Variants in PDE1C observed in about 807,000 individuals in gnomAD.
The protein encoded by PDE1C is phosphodiesterase 1C, also known as dual specificity calcium/calmodulin-dependent 3',5'-cyclic nucleotide phosphodiesterase 1C.
A neutral mutation model predicts 93.1 loss-of-function variants in PDE1C; 62 were observed. The ratio of observed to expected loss-of-function variants is 0.67; its 90% CI spans 0.54 to 0.82. The LOEUF is 0.82. Among genes scored for constraint, PDE1C ranks in the 40% least tolerant of loss-of-function variants. The pLI, the probability that PDE1C is intolerant of heterozygous loss-of-function variation, is 0.00. For synonymous variants in PDE1C, 325 were observed against 310.1 expected (o/e 1.05, Z -0.50); for missense variants, 742 against 884.6 (o/e 0.84, Z 2.04).
At chr7:32,207,231 C>T (rs1289356399) in intron 2 of PDE1C, among the ~76,000 whole-genome samples, 51 of 152,048 alleles carry the variant, frequency 3.4e-4, no homozygotes, top group Non-Finnish European at 5.9e-5. Context: ...ACAGCACAGG[C>T]TCTGGCCACC....
In PDE1C at chr7:32,204,480, G is replaced by A. The variant is rs200803324; in HGVS notation, c.136+5009C>T. Among the ~76,000 whole-genome samples the A allele has an allele frequency of 8.5e-5, 13 of 152,218 alleles. No individual in the cohort carries two copies. The East Asian group carries it at 2.5e-3, about 29-fold the overall frequency. ...TCTGTGGGCACTGTCTCCCTCGCTC[G>A]GGCTCCTCCAATGCCCTGGACTCCT... On this transcript the variant is annotated intron_variant, in intron 2 of 18. Coordinates refer to the PDE1C transcript ENST00000396193.
At chr7:32,241,845 T>C (rs985648731) in intron 1 of PDE1C, among the ~76,000 whole-genome samples, 4 of 151,870 alleles carry the variant, frequency 2.6e-5, no homozygotes, top group African/African-American at 9.7e-5. Context: ...AGGAGATGGG[T>C]AGACACAGCA....
intron 7 of PDE1C, among the ~76,000 whole-genome samples, chr7:31,862,339 CTT>C: frequency 6.6e-6 from 1 of 152,198 alleles, no homozygotes; most frequent in Middle Eastern, 3.2e-3. Context: ...TGTCCATTAT[CTT>C]AGTCCATTTG....
chr7:31,864,860 C>G, intron 7 of PDE1C, 82 bp downstream of exon 7: 1 of 1,356,078 alleles, frequency 7.4e-7, no homozygotes, highest in Non-Finnish European at 1.0e-6. Flanking sequence ...GTGGCCTCCA[C>G]CTCATCAGAA....
At chr7:32,284,688 G>A (rs565778286) in intron 1 of PDE1C, among the ~76,000 whole-genome samples, 17 of 152,174 alleles carry the variant, frequency 1.1e-4, no homozygotes, top group South Asian at 2.1e-4. Context: ...ATCCATCTCT[G>A]TGATTCCTAA....
the PDE1C span, among the ~76,000 whole-genome samples, chr7:31,673,102 T>G: frequency 6.6e-6 from 1 of 152,062 alleles, no homozygotes; most frequent in Non-Finnish European, 1.5e-5. Flanking sequence ...TCCTAAATTA[T>G]CCAGTCTCAG....
At chr7:31,656,524 GA>G in the PDE1C span, 1 of 886,772 alleles carries the variant, frequency 1.1e-6, no homozygotes, top group Non-Finnish European at 1.3e-6. Context: ...TCCTTCTGTT[GA>G]AAAGAACTGT....
the PDE1C span, among the ~76,000 whole-genome samples, chr7:31,742,059 T>TCCG: frequency 6.6e-6 from 1 of 152,214 alleles, no homozygotes; most frequent in Non-Finnish European, 1.5e-5. Context: ...GAAAGGAATT[T>TCCG]GACCAATATT....
intron 1 of PDE1C, among the ~76,000 whole-genome samples, chr7:32,421,419 G>A (rs946836768): frequency 6.6e-6 from 1 of 152,250 alleles, no homozygotes; most frequent in South Asian, 2.1e-4. Context: ...ATCCGTTAAT[G>A]TGTGTGTAAC....
chr7:31,694,391 C>T, the PDE1C span, among the ~76,000 whole-genome samples: 1 of 151,020 alleles, frequency 6.6e-6, no homozygotes, highest in East Asian at 1.9e-4. Flanking sequence ...CTCTCAAACA[C>T]ACACACACAC....
At chr7:31,706,579 C>T in the PDE1C span, among the ~76,000 whole-genome samples, 3 of 152,172 alleles carry the variant, frequency 2.0e-5, no homozygotes, top group Non-Finnish European at 4.4e-5. Flanking sequence ...TGGTACAGTA[C>T]TGACATTGAG....
intron 3 of PDE1C, among the ~76,000 whole-genome samples, chr7:32,082,511 C>T (rs1796751809): frequency 6.6e-6 from 1 of 152,108 alleles, no homozygotes; most frequent in African/African-American, 2.4e-5. Context: ...AAGAGAGCAG[C>T]ATGCAGCTGG....
chr7:31,843,792 ATTAT>A (rs1286846760), intron 9 of PDE1C, among the ~76,000 whole-genome samples: 1 of 151,130 alleles, frequency 6.6e-6, no homozygotes, highest in Non-Finnish European at 1.5e-5. Context: ...TATTTTTTGT[ATTAT>A]TTATTTTTTA....
chr7:31,714,733 C>T, the PDE1C span, among the ~76,000 whole-genome samples: 1 of 152,194 alleles, frequency 6.6e-6, no homozygotes, highest in Non-Finnish European at 1.5e-5. Flanking sequence ...AGGGGAACTC[C>T]TCTTTATATA....
chr7:31,931,321 T>C (rs1220311680), intron 2 of PDE1C, among the ~76,000 whole-genome samples: 1 of 152,188 alleles, frequency 6.6e-6, no homozygotes. Context: ...GATGACATGA[T>C]TGTATATTTA....
In PDE1C at chr7:32,003,411, G is replaced by A. The variant is rs1785737764; in HGVS notation, c.128+48143C>T. 1.3e-5 allele frequency among the ~76,000 whole-genome samples: 2 copies of A among 152,196 alleles called. 1 individual carries two copies. Among genetic ancestry groups the A allele is most frequent in the South Asian group, 4.1e-4 (2 of 4,826 alleles). ...TAATCACAAACCTTATTCTGTTTCTGTATAGTGCAATCACATTTGTCCTCA... is the reference window on the plus strand; with the variant it reads ...TAATCACAAACCTTATTCTGTTTCTATATAGTGCAATCACATTTGTCCTCA... On this transcript the variant is annotated intron_variant, in intron 2 of 17. Transcript: ENST00000396191.
chr7:31,643,796 G>A, the PDE1C span: 1,255,008 of 1,613,760 alleles, frequency 0.78, 489,062 homozygotes, highest in East Asian at 0.87. Context: ...TGCATCTGCT[G>A]TCATCACCAC....
chr7:32,420,120 T>TACACACAC (rs1302998543), intron 1 of PDE1C, among the ~76,000 whole-genome samples: 2 of 23,168 alleles, frequency 8.6e-5, no homozygotes, highest in Admixed American at 9.0e-4. Flanking sequence ...TATATATATA[T>TACACACAC]ATATACACAC....
intron 3 of PDE1C, among the ~76,000 whole-genome samples, chr7:32,092,088 T>C (rs961410120): frequency 6.6e-6 from 1 of 152,116 alleles, no homozygotes; most frequent in African/African-American, 2.4e-5. Flanking sequence ...TGAGGGCTGA[T>C]TCCCAAGGCT....
Sources: gnomAD v4.1 joint callset for allele counts (sites outside exome capture counted in the v4.1 genomes callset) on GRCh38, gnomAD v4.1.1 for gene constraint, MANE v1.5 for transcripts, NCBI Gene and HGNC (gene_info 2026-07-23, HGNC 2026-07-21) for gene names.